CLEC19A: variants seen among roughly 807,000 people sequenced by gnomAD.
The protein encoded by CLEC19A is C-type lectin domain family 19 member A.
CLEC19A carries 21 observed loss-of-function variants against 26.1 expected under a neutral mutation model. The observed-to-expected ratio is 0.80, with a 90% CI of 0.57 to 1.16. The LOEUF (loss-of-function observed/expected upper bound fraction) is 1.16, where lower values mean the gene tolerates loss of function less well. Ranked by LOEUF, CLEC19A falls within the 50% of genes most tolerant of loss-of-function variation. The pLI, the probability that CLEC19A is intolerant of heterozygous loss-of-function variation, is 0.00. For synonymous variants in CLEC19A, 89 were observed against 88.6 expected (o/e 1.00, Z -0.03); for missense variants, 224 against 227.6 (o/e 0.98, Z 0.10).
chr16:19,294,608 CAG>C (rs993861723), intron 1 of CLEC19A, among the ~76,000 whole-genome samples: 1 of 152,204 alleles, frequency 6.6e-6, no homozygotes, highest in Admixed American at 6.5e-5. Flanking sequence ...ATTCTAAACT[CAG>C]GGGAGAAAGT....
chr16:19,303,333 T>C (rs1327857732), intron 2 of CLEC19A, among the ~76,000 whole-genome samples: 1 of 152,182 alleles, frequency 6.6e-6, no homozygotes, highest in African/African-American at 2.4e-5. Flanking sequence ...ATTCATCCAT[T>C]TGTCTATCCA....
chr16:19,287,107 T>G (rs1366631065), intron 1 of CLEC19A, among the ~76,000 whole-genome samples: 1 of 151,690 alleles, frequency 6.6e-6, no homozygotes, highest in Non-Finnish European at 1.5e-5. Context: ...GGGGTTTCAG[T>G]TCTGTCCTAA....
chr16:19,303,901 G>A (rs202067761), intron 2 of CLEC19A, 161 bp from the exon 3 acceptor site: 43 of 584,934 alleles, frequency 7.4e-5, no homozygotes, highest in South Asian at 1.1e-4. Flanking sequence ...ATGTAGGACC[G>A]GCCACATATG....
At chr16:19,297,063 G>A (rs533276477) in intron 1 of CLEC19A, among the ~76,000 whole-genome samples, 8 of 152,226 alleles carry the variant, frequency 5.3e-5, no homozygotes, top group South Asian at 4.2e-4. Context: ...GTCTCCTCTC[G>A]CCAGTCATCC....
At chr16:19,288,424 C>A (rs147655918) in intron 1 of CLEC19A, among the ~76,000 whole-genome samples, 164 of 152,212 alleles carry the variant, frequency 1.1e-3, no homozygotes, top group African/African-American at 3.7e-3. Flanking sequence ...CTTCTGTGGA[C>A]CCCCAGCCTT....
At chr16:19,306,986 G>C (rs1265129069) in intron 3 of CLEC19A, among the ~76,000 whole-genome samples, 2 of 152,212 alleles carry the variant, frequency 1.3e-5, no homozygotes, top group Non-Finnish European at 2.9e-5. Flanking sequence ...TTTTTCCACA[G>C]TTAATTTGCA....
At chr16:19,295,660 C>G (rs766428818) in intron 1 of CLEC19A, among the ~76,000 whole-genome samples, 1 of 152,152 alleles carries the variant, frequency 6.6e-6, no homozygotes, top group African/African-American at 2.4e-5. Flanking sequence ...TGAGTCATCC[C>G]AGTCACTCCT....
At chr16:19,302,311 G>A (rs934520331) in intron 2 of CLEC19A, among the ~76,000 whole-genome samples, 4 of 152,180 alleles carry the variant, frequency 2.6e-5, no homozygotes, top group Admixed American at 2.6e-4. Context: ...TACTACTAAT[G>A]CCTCAAGAAA....
intron 1 of CLEC19A, among the ~76,000 whole-genome samples, chr16:19,286,519 C>T (rs1172449281): frequency 6.6e-6 from 1 of 152,210 alleles, no homozygotes; most frequent in Non-Finnish European, 1.5e-5. Context: ...AACCTGTCAG[C>T]CTTGGGCATG....
At position 19,298,914 on chromosome 16, in the gene CLEC19A, A is replaced by G. The variant is rs1897761082; in HGVS notation, c.254+76A>G. On this transcript the variant is annotated intron_variant, in intron 2 of 4. Transcript: ENST00000636231. The stretch of plus-strand genomic sequence containing the variant: ...AATGGGGTGGAGAATGGTATTTCCA[A>G]CTGGCATTTCTCTTTGGTAATTGAA... 6.4e-6 allele frequency: 9 copies of G among 1,397,464 alleles called. 1 individual carries two copies. In the South Asian group the frequency reaches 1.1e-4, roughly 18 times the overall value. The allele number at this position is 1,397,464 out of a possible 1,614,324, so 86.6% of individuals were successfully genotyped here.
At chr16:19,288,673 T>C (rs1897521292) in intron 1 of CLEC19A, among the ~76,000 whole-genome samples, 1 of 152,204 alleles carries the variant, frequency 6.6e-6, no homozygotes, top group Admixed American at 6.5e-5. Flanking sequence ...ATTGTTTAAG[T>C]GGATTAATGA....
intron 1 of CLEC19A, among the ~76,000 whole-genome samples, chr16:19,294,264 T>G (rs1305734448): frequency 6.6e-6 from 1 of 152,152 alleles, no homozygotes; most frequent in Non-Finnish European, 1.5e-5. Context: ...AAAGGTCACA[T>G]GAACATCTGC....
chr16:19,307,414 C>A, intron 3 of CLEC19A, 131 bp from the exon 4 acceptor site: 1 of 966,282 alleles, frequency 1.0e-6, no homozygotes, highest in Non-Finnish European at 1.5e-6. Context: ...TAGCAGTAGC[C>A]TCAATGAAGA....
intron 1 of CLEC19A, 38 bp from the exon 2 acceptor site, chr16:19,298,635 C>T: frequency 6.5e-7 from 1 of 1,545,304 alleles, no homozygotes; most frequent in Non-Finnish European, 8.7e-7. Flanking sequence ...GTCAGCACTG[C>T]CAACCTTCCT....
At chr16:19,293,644 C>T (rs1468910632) in intron 1 of CLEC19A, among the ~76,000 whole-genome samples, 1 of 151,936 alleles carries the variant, frequency 6.6e-6, no homozygotes, top group Admixed American at 6.6e-5. Context: ...TGGTAAGAGA[C>T]AGGGTCTCAC....
chr16:19,300,547 CAAAA>C (rs66894914), intron 2 of CLEC19A, among the ~76,000 whole-genome samples: 1 of 134,658 alleles, frequency 7.4e-6, no homozygotes, highest in Non-Finnish European at 1.6e-5. Flanking sequence ...GATCCTATCT[CAAAA>C]AAAAAAAAAA....
intron 1 of CLEC19A, among the ~76,000 whole-genome samples, chr16:19,297,476 A>C (rs1325053844): frequency 6.6e-6 from 1 of 152,166 alleles, no homozygotes; most frequent in Non-Finnish European, 1.5e-5. Flanking sequence ...AGCCTTAAAA[A>C]TCTCTCCTCA....
At chr16:19,295,857 C>T (rs1200729871) in intron 1 of CLEC19A, among the ~76,000 whole-genome samples, 1 of 152,152 alleles carries the variant, frequency 6.6e-6, no homozygotes, top group East Asian at 1.9e-4. Context: ...GCTCAAAAGT[C>T]CCTACAAAGA....
chr16:19,307,504 C>A (rs1176046918), intron 3 of CLEC19A, 41 bp from the exon 4 acceptor site: 1 of 1,544,802 alleles, frequency 6.5e-7, no homozygotes, highest in Middle Eastern at 2.3e-4. Context: ...TGATCTTCTT[C>A]TTGGCTTGCT....
Sources: allele counts gnomAD v4.1 joint callset (sites outside exome capture counted in the v4.1 genomes callset), GRCh38; gene constraint gnomAD v4.1.1; transcripts MANE v1.5; gene names NCBI Gene and HGNC (gene_info 2026-07-23, HGNC 2026-07-21).